The following ZNF407 variants were observed in gnomAD, a reference collection of about 807,000 sequenced individuals.
ZNF407 encodes zinc finger protein 407.
ZNF407 carries 17 observed loss-of-function variants against 131.2 expected under a neutral mutation model. The ratio of observed to expected loss-of-function variants is 0.13; its 90% CI spans 0.09 to 0.19. The LOEUF is 0.19. ZNF407 is among the 10% of genes least tolerant of loss of function. The pLI is 1.00. For synonymous variants in ZNF407, 1,156 were observed against 1,062.0 expected (o/e 1.09, Z -1.72); for missense variants, 2,681 against 2,830.6 (o/e 0.95, Z 1.20).
chr18:74,895,996 T>C (rs894400020), intron 7 of ZNF407, among the ~76,000 whole-genome samples: 2 of 152,042 alleles, frequency 1.3e-5, no homozygotes, highest in African/African-American at 2.4e-5. Flanking sequence ...TGAGAAAAAA[T>C]AGATCTTGAT....
chr18:74,696,530 T>C (rs561176528), intron 3 of ZNF407, among the ~76,000 whole-genome samples: 1 of 152,336 alleles, frequency 6.6e-6, no homozygotes, highest in South Asian at 2.1e-4. Context: ...TAGTTCTGCT[T>C]CTGGCTGTGA....
chr18:74,900,402 G>A (rs912005554), intron 7 of ZNF407, among the ~76,000 whole-genome samples: 8 of 152,088 alleles, frequency 5.3e-5, no homozygotes, highest in African/African-American at 1.7e-4. Flanking sequence ...AAACAGAAGC[G>A]ATGTCATGGT....
chr18:74,716,546 A>G (rs549046189), intron 3 of ZNF407, among the ~76,000 whole-genome samples: 2 of 152,310 alleles, frequency 1.3e-5, no homozygotes, highest in Admixed American at 6.5e-5. Context: ...CTCAGCAGTC[A>G]ATATTTAACT....
intron 8 of ZNF407, among the ~76,000 whole-genome samples, chr18:74,930,309 G>A (rs1240752353): frequency 1.3e-5 from 2 of 152,198 alleles, no homozygotes; most frequent in Non-Finnish European, 2.9e-5. Context: ...GCTGTGCCTG[G>A]AGCACCTGGT....
rs980398525 is a variant in ZNF407 at position 74,615,601 on chromosome 18, G to C, written c.-53-15366G>C. On this transcript the variant is annotated intron_variant, in intron 1 of 8. Transcript: ENST00000299687. The stretch of plus-strand genomic sequence containing the variant: ...TTCTTGTTGGGTTGGTTCTAGCACT[G>C]TATCCAAATCTAAAAGGAATGGCAG... 2.6e-5 allele frequency among the ~76,000 whole-genome samples: 4 copies of C among 152,224 alleles called. No individual in the cohort carries two copies. The South Asian group carries it at 8.3e-4, about 31-fold the overall frequency.
At chr18:74,776,037 G>A (rs780899959) in intron 3 of ZNF407, among the ~76,000 whole-genome samples, 2 of 152,126 alleles carry the variant, frequency 1.3e-5, no homozygotes, top group Non-Finnish European at 2.9e-5. Flanking sequence ...CCTGAGCTTC[G>A]GGCAGGAACG....
At chr18:74,830,112 AGAGGCCTCAG>A (rs1436911689) in intron 4 of ZNF407, among the ~76,000 whole-genome samples, 2 of 152,184 alleles carry the variant, frequency 1.3e-5, no homozygotes, top group East Asian at 3.9e-4. Flanking sequence ...ACTGAAGAAG[AGAGGCCTCAG>A]GAGACACCAA....
intron 3 of ZNF407, among the ~76,000 whole-genome samples, chr18:74,753,708 T>C (rs1447431180): frequency 1.3e-5 from 2 of 152,242 alleles, no homozygotes; most frequent in South Asian, 2.1e-4. Flanking sequence ...TGAAGCCAAC[T>C]TGATCGTGGT....
intron 3 of ZNF407, among the ~76,000 whole-genome samples, chr18:74,675,940 T>TAA (rs1006156788): frequency 6.6e-6 from 1 of 152,122 alleles, no homozygotes; most frequent in Admixed American, 6.5e-5. Flanking sequence ...ATTTTATATA[T>TAA]AAAAAAAGTT....
intron 3 of ZNF407, among the ~76,000 whole-genome samples, chr18:74,710,393 A>G (rs906549513): frequency 6.6e-6 from 1 of 152,220 alleles, no homozygotes; most frequent in South Asian, 2.1e-4. Context: ...GTTTGACTAG[A>G]CATGCATAAT....
intron 4 of ZNF407, chr18:74,804,688 A>C (rs1970081955): frequency 1.2e-6 from 1 of 845,330 alleles, no homozygotes. Context: ...CTGAGAAGTT[A>C]GCTTTTGTAC....
intron 4 of ZNF407, among the ~76,000 whole-genome samples, chr18:74,848,638 T>C (rs1970735224): frequency 6.6e-6 from 1 of 152,208 alleles, no homozygotes; most frequent in East Asian, 1.9e-4. Flanking sequence ...GGCAAAACTT[T>C]TTATTCCTCA....
In ZNF407 at chr18:75,045,818, A is replaced by G. The variant is rs140470991; in HGVS notation, c.5429-17332A>G. Among the ~76,000 whole-genome samples, 7 of 152,316 alleles carry G rather than the reference A, an allele frequency of 4.6e-5. No homozygotes were observed. In the East Asian group the frequency reaches 1.3e-3, roughly 29 times the overall value. On this transcript the variant is annotated intron_variant, in intron 8 of 8. Coordinates refer to ENST00000299687, the MANE Select transcript of ZNF407 (RefSeq NM_017757.3). Reference sequence around the variant, plus strand: ...GGCTTTGTTTTTGGATTGCAGATCAAGTATGCATTGGGGGGAGGTAGATGA... The same window carrying G: ...GGCTTTGTTTTTGGATTGCAGATCAGGTATGCATTGGGGGGAGGTAGATGA...
intron 4 of ZNF407, chr18:74,804,445 A>G: frequency 4.0e-6 from 4 of 992,442 alleles, no homozygotes; most frequent in Non-Finnish European, 4.8e-6. Flanking sequence ...ATGACTTCAG[A>G]GAAGTCTTTC....
At chr18:74,941,006 G>A (rs561449824) in intron 8 of ZNF407, among the ~76,000 whole-genome samples, 89 of 152,184 alleles carry the variant, frequency 5.8e-4, no homozygotes, top group Non-Finnish European at 1.1e-3. Flanking sequence ...TTGTTAGCTC[G>A]GGGTGACCTA....
At chr18:74,952,641 ATCTC>A (rs1248233984) in intron 8 of ZNF407, among the ~76,000 whole-genome samples, 1 of 152,232 alleles carries the variant, frequency 6.6e-6, no homozygotes, top group Non-Finnish European at 1.5e-5. Flanking sequence ...GTTAGGGAAA[ATCTC>A]TCTTAAGAAT....
intron 1 of ZNF407, among the ~76,000 whole-genome samples, chr18:74,601,876 G>T (rs930991300): frequency 1.3e-5 from 2 of 152,198 alleles, no homozygotes; most frequent in African/African-American, 4.8e-5. Context: ...AGTAAATATT[G>T]TGGAATTTAA....
intron 3 of ZNF407, among the ~76,000 whole-genome samples, chr18:74,742,773 A>C (rs1968579933): frequency 6.6e-6 from 1 of 152,114 alleles, no homozygotes; most frequent in African/African-American, 2.4e-5. Context: ...CCTGTCATCC[A>C]GGCCTCTTGT....
intron 4 of ZNF407, among the ~76,000 whole-genome samples, chr18:74,784,657 C>G (rs977135142): frequency 6.6e-6 from 1 of 152,224 alleles, no homozygotes; most frequent in Non-Finnish European, 1.5e-5. Flanking sequence ...TAACCACATT[C>G]AGTTCACATT....
Sources: allele counts gnomAD v4.1 joint callset (sites outside exome capture counted in the v4.1 genomes callset), GRCh38; gene constraint gnomAD v4.1.1; transcripts MANE v1.5; gene names NCBI Gene and HGNC (gene_info 2026-07-23, HGNC 2026-07-21).